Variants in CERS6 observed in about 807,000 individuals in gnomAD.
CERS6 encodes LAG1 homolog, ceramide synthase 6.
A neutral mutation model predicts 56.8 loss-of-function variants in CERS6; 26 were observed. The ratio of observed to expected loss-of-function variants is 0.46; its 90% confidence interval spans 0.34 to 0.63. The LOEUF (loss-of-function observed/expected upper bound fraction) is 0.63. Among genes scored for constraint, CERS6 ranks in the 30% least tolerant of loss-of-function variants. The probability of loss-of-function intolerance (pLI) is 0.01; values close to 1 mark genes in which losing one functional copy is unlikely to be tolerated. For synonymous variants in CERS6, 164 were observed against 173.3 expected (o/e 0.95, Z 0.42); for missense variants, 415 against 467.5 (o/e 0.89, Z 1.04).
chr2:168,766,207 A>C lies in CERS6; in HGVS notation c.1002+459A>C. On this transcript the variant is annotated intron_variant, in intron 9 of 9. Transcript: ENST00000305747. ...TAAAAGTGGACTTGAGGTTGATTCG[A>C]ATAAAGCTTCCTAAGCCTCAGCCCC... 2 of 927,090 alleles carry C rather than the reference A, an allele frequency of 2.2e-6. 1 individual carries two copies. The highest frequency in any genetic ancestry group is 2.7e-5 in the South Asian group (2 of 74,206). The allele number at this position is 927,090 out of a possible 1,614,324, so 57.4% of individuals were successfully genotyped here. A position where few individuals can be genotyped will look rare whatever the true frequency, so the allele number is the denominator to read the frequency against.
intron 3 of CERS6, among the ~76,000 whole-genome samples, chr2:168,587,878 A>G (rs1185487721): frequency 1.3e-5 from 2 of 152,064 alleles, no homozygotes; most frequent in African/African-American, 4.8e-5. Flanking sequence ...ATTCTTGCCA[A>G]AATTTATTGC....
At chr2:168,506,107 G>A (rs555127944) in intron 1 of CERS6, among the ~76,000 whole-genome samples, 1 of 152,256 alleles carries the variant, frequency 6.6e-6, no homozygotes, top group South Asian at 2.1e-4. Flanking sequence ...GCCAATTCAT[G>A]CGGCCTTCTA....
At chr2:168,658,568 G>T (rs943354730) in intron 4 of CERS6, among the ~76,000 whole-genome samples, 1 of 152,216 alleles carries the variant, frequency 6.6e-6, no homozygotes, top group South Asian at 2.1e-4. Context: ...AGCGTCAGGC[G>T]TGCTTGATGA....
rs1231977388 is a variant in CERS6 at position 168,739,335 on chromosome 2, T to C, written c.845+21357T>C. 2.0e-5 allele frequency among the ~76,000 whole-genome samples: 3 copies of C among 152,024 alleles called. No homozygotes were observed. In the East Asian group the frequency reaches 5.8e-4, roughly 29 times the overall value. ...GGGAAGAAGGACATCCACCCTAAGC[T>C]GACACCATGAGCAAAAGCGGAGAGG... On this transcript the variant is annotated intron_variant, in intron 8 of 9. Coordinates refer to ENST00000305747, the MANE Select transcript of CERS6 (RefSeq NM_203463.3).
intron 4 of CERS6, 56 bp downstream of exon 4, chr2:168,631,098 TG>T (rs1268122546): frequency 3.0e-5 from 21 of 692,456 alleles, no homozygotes; most frequent in African/African-American, 1.8e-4. Context: ...GTCTATATCC[TG>T]GTTTTTTTTT....
intron 4 of CERS6, among the ~76,000 whole-genome samples, chr2:168,687,043 T>A (rs970269718): frequency 1.3e-5 from 2 of 152,166 alleles, no homozygotes; most frequent in African/African-American, 2.4e-5. Flanking sequence ...TCAGTTTTCA[T>A]TATCTCCCTT....
intron 4 of CERS6, among the ~76,000 whole-genome samples, chr2:168,662,132 T>TC (rs1685646736): frequency 6.6e-6 from 1 of 151,832 alleles, no homozygotes; most frequent in African/African-American, 2.4e-5. Context: ...TGTCTCTTTT[T>TC]TTTTTTTTTT....
At chr2:168,477,790 G>GC in intron 1 of CERS6, among the ~76,000 whole-genome samples, 1 of 152,318 alleles carries the variant, frequency 6.6e-6, no homozygotes, top group East Asian at 1.9e-4. Context: ...GATTGAACTT[G>GC]CAAACGCTTG....
chr2:168,766,538 G>A (rs1174819888), intron 9 of CERS6, among the ~76,000 whole-genome samples: 2 of 152,224 alleles, frequency 1.3e-5, no homozygotes, highest in Admixed American at 6.5e-5. Context: ...CCTTTGGTGT[G>A]AGCTTGTATT....
chr2:168,547,503 G>A, intron 1 of CERS6, 93 bp from the exon 2 acceptor site: 1 of 647,228 alleles, frequency 1.5e-6, no homozygotes, highest in Non-Finnish European at 2.6e-6. Flanking sequence ...ACACTTTATT[G>A]GGATAATTGA....
rs1685155403 is a variant in CERS6 at position 168,645,134 on chromosome 2, TATATATATAGAGAGAGAGAGAGAG to T, written c.465+14094_465+14117del. Among the ~76,000 whole-genome samples the T allele has an allele frequency of 7.7e-5, 3 of 38,826 alleles. No homozygotes were observed. The South Asian group carries it at 4.5e-3, about 58-fold the overall frequency. 25.5% of individuals were successfully genotyped at this position (38,826 alleles called of 152,430 possible). On this transcript the variant is annotated intron_variant, in intron 4 of 9. Coordinates refer to ENST00000305747, the MANE Select transcript of CERS6 (RefSeq NM_203463.3). Reference sequence around the variant, plus strand: ...AAAAAAAAATATATATATATATATATATATATATAGAGAGAGAGAGAGAGAGAGAGAGAGAGAGAGAGAGAGAGA... The same window carrying T: ...AAAAAAAAATATATATATATATATATAGAGAGAGAGAGAGAGAGAGAGAGA...
chr2:168,498,490 C>T (rs1019647032), intron 1 of CERS6, among the ~76,000 whole-genome samples: 2 of 152,092 alleles, frequency 1.3e-5, no homozygotes, highest in African/African-American at 2.4e-5. Context: ...GCAGGGTGGC[C>T]GGGTATACAT....
At chr2:168,620,302 G>C (rs1034610933) in intron 3 of CERS6, among the ~76,000 whole-genome samples, 1 of 152,036 alleles carries the variant, frequency 6.6e-6, no homozygotes, top group Non-Finnish European at 1.5e-5. Flanking sequence ...AGGGATAAAA[G>C]ACTACAAATT....
At chr2:168,539,692 A>T (rs1244355148) in intron 1 of CERS6, among the ~76,000 whole-genome samples, 2 of 152,238 alleles carry the variant, frequency 1.3e-5, no homozygotes, top group Non-Finnish European at 1.5e-5. Flanking sequence ...TTTTAAATTG[A>T]TAATACTTAC....
intron 3 of CERS6, among the ~76,000 whole-genome samples, chr2:168,622,653 T>G (rs1294163833): frequency 6.6e-6 from 1 of 152,192 alleles, no homozygotes; most frequent in African/African-American, 2.4e-5. Context: ...TGGGTTTGAC[T>G]TACCTCCAAC....
intron 1 of CERS6, among the ~76,000 whole-genome samples, chr2:168,527,920 C>T (rs760804202): frequency 3.9e-5 from 6 of 152,018 alleles, no homozygotes; most frequent in African/African-American, 1.5e-4. Context: ...GGGATTTTGC[C>T]ATGTTGCCCA....
At chr2:168,534,159 G>C (rs1695216563) in intron 1 of CERS6, among the ~76,000 whole-genome samples, 1 of 152,064 alleles carries the variant, frequency 6.6e-6, no homozygotes, top group Admixed American at 6.6e-5. Context: ...CATTGGGTTA[G>C]AACATGCTCC....
chr2:168,675,491 C>T (rs1686035596), intron 4 of CERS6, among the ~76,000 whole-genome samples: 1 of 151,832 alleles, frequency 6.6e-6, no homozygotes, highest in African/African-American at 2.4e-5. Flanking sequence ...GGGGCTGAGG[C>T]AGGAGGATGG....
At chr2:168,751,800 C>T (rs1004980267) in intron 8 of CERS6, among the ~76,000 whole-genome samples, 2 of 152,162 alleles carry the variant, frequency 1.3e-5, no homozygotes, top group African/African-American at 4.8e-5. Context: ...AAAATTATGC[C>T]AACACTTCTC....
Sources: gnomAD v4.1 joint callset for allele counts (sites outside exome capture counted in the v4.1 genomes callset) on GRCh38, gnomAD v4.1.1 for gene constraint, MANE v1.5 for transcripts, NCBI Gene and HGNC (gene_info 2026-07-23, HGNC 2026-07-21) for gene names.